Variants in FGF10 observed in about 807,000 individuals in gnomAD.
FGF10 encodes the protein FGF-10.
FGF10 carries 2 observed loss-of-function variants against 19.8 expected under a neutral mutation model. That is an observed-to-expected ratio of 0.10 (90% confidence interval 0.04 to 0.32). The LOEUF (loss-of-function observed/expected upper bound fraction) is 0.32. Among genes scored for constraint, FGF10 ranks in the 10% least tolerant of loss-of-function variants. FGF10 has a pLI of 1.00. For missense variants in FGF10, 191 were observed against 246.3 expected (o/e 0.78, Z 1.50); for synonymous variants, 112 against 94.0 (o/e 1.19, Z -1.10).
chr5:44,316,872 G>A (rs1740363719), intron 1 of FGF10, among the ~76,000 whole-genome samples: 2 of 152,262 alleles, frequency 1.3e-5, no homozygotes, highest in Middle Eastern at 6.8e-3. Flanking sequence ...GGAAATGTTG[G>A]TGGAAACTTA....
chr5:44,359,964 C>T (rs942124482), intron 1 of FGF10, among the ~76,000 whole-genome samples: 2 of 151,448 alleles, frequency 1.3e-5, no homozygotes, highest in Non-Finnish European at 3.0e-5. Context: ...TTAGAAAATG[C>T]CACCTTCCTG....
intron 1 of FGF10, among the ~76,000 whole-genome samples, chr5:44,348,175 T>A (rs748562946): frequency 2.4e-4 from 36 of 151,666 alleles, no homozygotes; most frequent in Non-Finnish European, 4.3e-4. Flanking sequence ...AACTTTTTTT[T>A]AAAAGAAATG....
intron 1 of FGF10, among the ~76,000 whole-genome samples, chr5:44,311,520 A>G (rs554678799): frequency 2.4e-4 from 36 of 152,242 alleles, no homozygotes; most frequent in South Asian, 1.0e-3. Context: ...AGGAGAAGTC[A>G]CTGAAGTGTC....
chr5:44,355,072 T>C (rs895709443), intron 1 of FGF10, among the ~76,000 whole-genome samples: 3 of 151,516 alleles, frequency 2.0e-5, no homozygotes, highest in Non-Finnish European at 3.0e-5. Flanking sequence ...TGTGTGCACA[T>C]AGTGTATAGA....
intron 1 of FGF10, among the ~76,000 whole-genome samples, chr5:44,368,479 G>A (rs1409422838): frequency 6.6e-6 from 1 of 151,926 alleles, no homozygotes; most frequent in Non-Finnish European, 1.5e-5. Flanking sequence ...ACTACTTTAG[G>A]TTGTTCAGTA....
At chr5:44,355,597 A>G (rs755193760) in intron 1 of FGF10, among the ~76,000 whole-genome samples, 1 of 151,364 alleles carries the variant, frequency 6.6e-6, no homozygotes, top group Non-Finnish European at 1.5e-5. Context: ...AAAACAAAGG[A>G]AGACTAATTG....
intron 1 of FGF10, among the ~76,000 whole-genome samples, chr5:44,349,473 A>AATATATATATATATATATAT: frequency 4.3e-5 from 1 of 23,230 alleles, no homozygotes; most frequent in Non-Finnish European, 7.9e-5. Flanking sequence ...TATATATCAG[A>AATATATATATATATATATAT]ATATATATAT....
chr5:44,346,170 T>G (rs1412610155), intron 1 of FGF10, among the ~76,000 whole-genome samples: 4 of 151,892 alleles, frequency 2.6e-5, no homozygotes, highest in South Asian at 4.1e-4. Flanking sequence ...CTTATCTATG[T>G]ACCTCCCACC....
At chr5:44,361,194 T>C (rs1379786955) in intron 1 of FGF10, among the ~76,000 whole-genome samples, 1 of 151,688 alleles carries the variant, frequency 6.6e-6, no homozygotes, top group African/African-American at 2.4e-5. Context: ...ATCAGAGGGT[T>C]TGCTAGTTCA....
chr5:44,387,169 A>T (rs908635742), intron 1 of FGF10, among the ~76,000 whole-genome samples: 2 of 152,206 alleles, frequency 1.3e-5, no homozygotes, highest in Non-Finnish European at 2.9e-5. Flanking sequence ...ATAACAATCA[A>T]TAGTGGATGA....
Position 44,388,587 on chromosome 5 carries a change from G to T in FGF10, c.96C>A (p.Ser32=), listed in dbSNP as rs2111940699. The T allele has an allele frequency of 6.2e-7, 1 of 1,614,136 alleles. No individual in the cohort carries two copies. The highest frequency in any genetic ancestry group is 8.5e-7 in the Non-Finnish European group (1 of 1,180,030). Residue 32 remains serine, a synonymous_variant, in exon 1 of 3, where the codon TCC becomes TCA. Coordinates refer to ENST00000264664, the MANE Select transcript of FGF10 (RefSeq NM_004465.2). ...CCFLLLFLVS[S]VPVTCQALGQ... Reference sequence around the variant, plus strand: ...CAAGGGCTTGGCAGGTGACAGGGACGGAAGACACCAAGAACAGCAACAAAA... The same window carrying T: ...CAAGGGCTTGGCAGGTGACAGGGACTGAAGACACCAAGAACAGCAACAAAA...
At chr5:44,378,892 T>G (rs542073055) in intron 1 of FGF10, among the ~76,000 whole-genome samples, 1 of 152,236 alleles carries the variant, frequency 6.6e-6, no homozygotes, top group Admixed American at 6.5e-5. Flanking sequence ...TTTCTTCATA[T>G]AGTATCCTTT....
chr5:44,305,301 T>C (rs1453509825), intron 2 of FGF10, 109 bp from the exon 3 acceptor site: 3 of 952,954 alleles, frequency 3.1e-6, no homozygotes, highest in African/African-American at 3.2e-5. Context: ...GTAGTTGCCA[T>C]TTGTACCTAA....
intron 1 of FGF10, among the ~76,000 whole-genome samples, chr5:44,324,343 T>C (rs1369930438): frequency 6.6e-6 from 1 of 152,150 alleles, no homozygotes. Context: ...TGTCTAACTT[T>C]CCTCGTCAAA....
At chr5:44,379,536 C>A (rs552677792) in intron 1 of FGF10, among the ~76,000 whole-genome samples, 1 of 152,304 alleles carries the variant, frequency 6.6e-6, no homozygotes, top group Admixed American at 6.5e-5. Flanking sequence ...CTTTTTATCC[C>A]TTTGAATCAA....
intron 1 of FGF10, among the ~76,000 whole-genome samples, chr5:44,370,388 T>C (rs1741717437): frequency 6.6e-6 from 1 of 152,092 alleles, no homozygotes; most frequent in South Asian, 2.1e-4. Flanking sequence ...TAAGTAAAAA[T>C]CCTTGAATGG....
At chr5:44,325,104 C>T (rs1740580049) in intron 1 of FGF10, among the ~76,000 whole-genome samples, 1 of 152,118 alleles carries the variant, frequency 6.6e-6, no homozygotes, top group South Asian at 2.1e-4. Flanking sequence ...CAAAAGAAGG[C>T]ATTTATGCAG....
chr5:44,310,626 GGT>G, intron 1 of FGF10, 96 bp from the exon 2 acceptor site: 1 of 922,264 alleles, frequency 1.1e-6, no homozygotes. Context: ...TTTTTTGTGT[GGT>G]TCTAAAAACA....
At chr5:44,334,306 T>G (rs1357842231) in intron 1 of FGF10, among the ~76,000 whole-genome samples, 1 of 152,134 alleles carries the variant, frequency 6.6e-6, no homozygotes, top group African/African-American at 2.4e-5. Flanking sequence ...TTTAAAATAC[T>G]GCTTCTTCTC....
Sources: gnomAD v4.1 joint callset for allele counts (sites outside exome capture counted in the v4.1 genomes callset) on GRCh38, gnomAD v4.1.1 for gene constraint, MANE v1.5 for transcripts, NCBI Gene and HGNC (gene_info 2026-07-23, HGNC 2026-07-21) for gene names.